Variants in DEPDC5 observed in about 807,000 individuals in gnomAD.
The protein encoded by DEPDC5 is DEP domain containing 5, GATOR1 subcomplex subunit, also known as GATOR1 complex protein DEPDC5.
Under a neutral mutation model 217.3 loss-of-function variants are expected in DEPDC5, and 73 were observed. The ratio of observed to expected loss-of-function variants is 0.34; its 90% confidence interval spans 0.28 to 0.41. The LOEUF (loss-of-function observed/expected upper bound fraction) is 0.41, where lower values mean the gene tolerates loss of function less well. DEPDC5 is among the 10% of genes least tolerant of loss of function. The pLI, the probability that DEPDC5 is intolerant of heterozygous loss-of-function variation, is 1.00. For missense variants in DEPDC5, 1,675 were observed against 2,070.1 expected, an observed-to-expected ratio of 0.81 and a Z score of 3.70; for synonymous variants, 733 against 756.7, an observed-to-expected ratio of 0.97 and a Z score of 0.51.
At chr22:31,869,235 C>T (rs5994437) in intron 33 of DEPDC5, among the ~76,000 whole-genome samples, 5 of 148,108 alleles carry the variant, frequency 3.4e-5, no homozygotes, top group Non-Finnish European at 7.4e-5. Context: ...GCAACCCTGT[C>T]TCTGGAAAAA....
rs564972310 is a variant in DEPDC5 at position 31,844,961 on chromosome 22, G to T, written c.2802-57G>T. The T allele has an allele frequency of 2.9e-5, 45 of 1,572,758 alleles. 1 individual carries two copies. The South Asian group carries it at 4.7e-4, about 16-fold the overall frequency. On this transcript the variant is annotated intron_variant, in intron 29 of 42. Coordinates refer to ENST00000651528, the MANE Select transcript of DEPDC5 (RefSeq NM_001242896.3). ...CAACTCCACAGAGAGTTTACTGAGA[G>T]TGCTTTCATTATCTCCTTTCTCTCA...
intron 37 of DEPDC5, among the ~76,000 whole-genome samples, chr22:31,877,020 G>A (rs765719704): frequency 2.0e-5 from 3 of 152,138 alleles, no homozygotes; most frequent in Admixed American, 1.3e-4. Context: ...GTGCATGCAT[G>A]TAATCCCAGC....
intron 31 of DEPDC5, among the ~76,000 whole-genome samples, chr22:31,855,620 C>T (rs952955714): frequency 5.3e-5 from 8 of 151,978 alleles, no homozygotes; most frequent in African/African-American, 1.4e-4. Context: ...CCTCGTGATC[C>T]GCCTGCCTCG....
At chr22:31,757,481 CA>C (rs2082030903) in intron 2 of DEPDC5, 2 of 152,274 alleles carry the variant, frequency 1.3e-5, no homozygotes, top group East Asian at 3.9e-4. Flanking sequence ...GCCTAGGCAA[CA>C]GCAAGACCTT....
intron 41 of DEPDC5, among the ~76,000 whole-genome samples, chr22:31,902,322 T>A (rs1230768196): frequency 6.6e-6 from 1 of 151,302 alleles, no homozygotes; most frequent in Non-Finnish European, 1.5e-5. Flanking sequence ...GGCCACTTCA[T>A]GTTAGTCATG....
chr22:31,819,342 A>G, intron 22 of DEPDC5, 117 bp downstream of exon 22: 1 of 1,108,188 alleles, frequency 9.0e-7, no homozygotes, highest in Non-Finnish European at 1.3e-6. Flanking sequence ...GTAAGATGGG[A>G]TAACCATGCC....
At chr22:31,762,632 G>A (rs5998118) in intron 4 of DEPDC5, among the ~76,000 whole-genome samples, 15,850 of 152,002 alleles carry the variant, frequency 0.1, 882 homozygotes, top group South Asian at 0.19. Context: ...GCATTGTGGC[G>A]CATGCCTGTA....
At position 31,784,482 on chromosome 22, in the gene DEPDC5, A is replaced by C. The variant is rs1021020885; in HGVS notation, c.563-332A>C. On this transcript the variant is annotated intron_variant, in intron 9 of 42. Coordinates refer to ENST00000651528, the MANE Select transcript of DEPDC5 (RefSeq NM_001242896.3). ...CATACCTACTAAAAATACAAAAATT[A>C]GCTGGGCTTGGTGGTGGGCGCCTGT... 3.5e-5 allele frequency: 8 copies of C among 228,340 alleles called. No individual in the cohort carries two copies. In the East Asian group the frequency reaches 9.7e-4, roughly 28 times the overall value. The allele number at this position is 228,340 out of a possible 1,614,324, so 14.1% of individuals were successfully genotyped here.
chr22:31,787,014 A>G (rs1443668974), intron 10 of DEPDC5, among the ~76,000 whole-genome samples: 1 of 151,900 alleles, frequency 6.6e-6, no homozygotes, highest in African/African-American at 2.4e-5. Context: ...TCCTAACCTC[A>G]GGTGATCCGC....
At chr22:31,840,773 G>T (rs1289041223) in intron 27 of DEPDC5, among the ~76,000 whole-genome samples, 2 of 152,130 alleles carry the variant, frequency 1.3e-5, no homozygotes, top group Non-Finnish European at 2.9e-5. Flanking sequence ...TCACAACCAG[G>T]CCTGTGCTGC....
At chr22:31,758,426 A>G in intron 2 of DEPDC5, 120 bp from the exon 3 acceptor site, 2 of 812,664 alleles carry the variant, frequency 2.5e-6, no homozygotes, top group Non-Finnish European at 4.2e-6. Context: ...TTCAAAATAG[A>G]ACCTCATCTG....
intron 4 of DEPDC5, among the ~76,000 whole-genome samples, chr22:31,763,162 T>C (rs549885895): frequency 6.6e-6 from 1 of 152,176 alleles, no homozygotes; most frequent in Admixed American, 6.5e-5. Context: ...GGCTAATTTT[T>C]GTATTTTTAG....
chr22:31,897,853 C>G (rs2093580853), intron 40 of DEPDC5, among the ~76,000 whole-genome samples, 200 bp downstream of exon 40: 1 of 152,160 alleles, frequency 6.6e-6, no homozygotes, highest in Admixed American at 6.5e-5. Context: ...TTTCATGTCT[C>G]TGAGTCTCGA....
intron 32 of DEPDC5, chr22:31,858,502 C>G (rs2092388029): frequency 1.3e-5 from 2 of 152,094 alleles, no homozygotes; most frequent in Admixed American, 6.6e-5. Flanking sequence ...GAAGGAGATT[C>G]AATACATATA....
intron 37 of DEPDC5, among the ~76,000 whole-genome samples, chr22:31,878,776 C>T (rs765773263): frequency 3.9e-4 from 59 of 151,984 alleles, no homozygotes; most frequent in Non-Finnish European, 6.2e-4. Context: ...CGGTGACACA[C>T]GCCTGTAATC....
At chr22:31,800,663 T>C (rs2086772117) in intron 14 of DEPDC5, among the ~76,000 whole-genome samples, 1 of 151,972 alleles carries the variant, frequency 6.6e-6, no homozygotes, top group Non-Finnish European at 1.5e-5. Flanking sequence ...TTTTAAAAAA[T>C]TAAAATCTAC....
intron 33 of DEPDC5, among the ~76,000 whole-genome samples, chr22:31,867,995 C>CATGGTCTCATTTAAATTTAT (rs1569153586): frequency 8.5e-5 from 13 of 152,252 alleles, no homozygotes; most frequent in African/African-American, 2.9e-4. Context: ...TTTAAATTTA[C>CATGGTCTCATTTAAATTTAT]GGCATGGTCT....
chr22:31,841,111 G>A (rs1423340290), intron 27 of DEPDC5, among the ~76,000 whole-genome samples: 1 of 152,240 alleles, frequency 6.6e-6, no homozygotes, highest in African/African-American at 2.4e-5. Flanking sequence ...TTGGATGAGG[G>A]CTTGCCCTCT....
chr22:31,864,501 A>ATATATATATAT (rs2092618825), intron 33 of DEPDC5, among the ~76,000 whole-genome samples: 3 of 123,146 alleles, frequency 2.4e-5, no homozygotes, highest in Non-Finnish European at 5.1e-5. Flanking sequence ...TCTTCATTAA[A>ATATATATATAT]ATATATATAT....
Sources: gnomAD v4.1 joint callset for allele counts (sites outside exome capture counted in the v4.1 genomes callset) on GRCh38, gnomAD v4.1.1 for gene constraint, MANE v1.5 for transcripts, NCBI Gene and HGNC (gene_info 2026-07-23, HGNC 2026-07-21) for gene names.